LRBA: variants seen among roughly 807,000 people sequenced by gnomAD.
LRBA encodes LPS responsive beige-like anchor protein.
A neutral mutation model predicts 330.0 loss-of-function variants in LRBA; 176 were observed. That is an observed-to-expected ratio of 0.53 (90% CI 0.47 to 0.60). The LOEUF is 0.60. Ranked by LOEUF, LRBA falls within the 20% of genes least tolerant of loss-of-function variation. The probability of loss-of-function intolerance (pLI) is 0.00; values close to 1 mark genes in which losing one functional copy is unlikely to be tolerated. For synonymous variants in LRBA, 1,230 were observed against 1,193.0 expected, an observed-to-expected ratio of 1.03 and a Z score of -0.64; for missense variants, 3,259 against 3,444.8, an observed-to-expected ratio of 0.95 and a Z score of 1.35.
At chr4:150,311,631 TCTG>T (rs1391513676) in intron 51 of LRBA, among the ~76,000 whole-genome samples, 2 of 152,156 alleles carry the variant, frequency 1.3e-5, no homozygotes, top group Non-Finnish European at 2.9e-5. Flanking sequence ...CTGCAGAAAT[TCTG>T]CTAATGTCTG....
At chr4:150,480,218 G>A (rs957402121) in intron 42 of LRBA, among the ~76,000 whole-genome samples, 1 of 152,046 alleles carries the variant, frequency 6.6e-6, no homozygotes, top group Non-Finnish European at 1.5e-5. Flanking sequence ...GGAGAAAGAT[G>A]CATACACCTA....
Position 150,565,397 on chromosome 4 carries a change from G to T in LRBA, c.6330+22651C>A, listed in dbSNP as rs893431141. Among the ~76,000 whole-genome samples the T allele has an allele frequency of 2.0e-5, 3 of 151,920 alleles. No individual in the cohort carries two copies. The South Asian group carries it at 6.2e-4, about 32-fold the overall frequency. Reference sequence around the variant, plus strand: ...GAGGACAAATACCTAATGCATGTGGGGCTTAAAACCTAGGTGATGGGTTGA... The same window carrying T: ...GAGGACAAATACCTAATGCATGTGGTGCTTAAAACCTAGGTGATGGGTTGA... On this transcript the variant is annotated intron_variant, in intron 40 of 56. Coordinates refer to ENST00000651943, the MANE Select transcript of LRBA (RefSeq NM_001364905.1).
At chr4:150,849,189 GAA>G (rs1750280802) in intron 25 of LRBA, among the ~76,000 whole-genome samples, 191 bp from the exon 26 acceptor site, 1 of 152,106 alleles carries the variant, frequency 6.6e-6, no homozygotes. Flanking sequence ...CCATACAGGT[GAA>G]ACATCATGAA....
chr4:150,765,048 T>C (rs1402636340), intron 34 of LRBA, among the ~76,000 whole-genome samples: 3 of 151,116 alleles, frequency 2.0e-5, no homozygotes, highest in African/African-American at 4.9e-5. Context: ...AATGGATAAA[T>C]TGTGGTACAA....
At chr4:150,358,897 A>C (rs1410335709) in intron 47 of LRBA, among the ~76,000 whole-genome samples, 1 of 152,206 alleles carries the variant, frequency 6.6e-6, no homozygotes, top group Non-Finnish European at 1.5e-5. Flanking sequence ...TTATTGCCAG[A>C]TGTAGTTTAA....
intron 2 of LRBA, among the ~76,000 whole-genome samples, chr4:150,941,495 G>A (rs1175610436): frequency 6.6e-6 from 1 of 152,162 alleles, no homozygotes; most frequent in Non-Finnish European, 1.5e-5. Context: ...GCACCCAGCT[G>A]CCAAGCTATT....
In LRBA at chr4:150,852,365, TACTTTCAGTTCC is replaced by T; in HGVS notation, c.3333_3344del (p.Leu1113_Glu1116del). The T allele has an allele frequency of 6.2e-7, 1 of 1,613,820 alleles. No homozygotes were observed. Among genetic ancestry groups the T allele is most frequent in the Non-Finnish European group, 8.5e-7 (1 of 1,179,968 alleles). On this transcript the variant is annotated inframe_deletion, in exon 23 of 57. Transcript: ENST00000651943. ...TAGCTTCCTCAGTAGGACTGCCTTC[TACTTTCAGTTCC>T]ACATAATCATCATCTTCCTCTTCCT...
At chr4:150,999,347 TAG>T (rs1436422022) in intron 2 of LRBA, among the ~76,000 whole-genome samples, 6 of 152,018 alleles carry the variant, frequency 3.9e-5, no homozygotes, top group African/African-American at 1.4e-4. Context: ...CAGGAAAAAG[TAG>T]ATTCTTCCTC....
At chr4:150,713,400 T>C (rs1786427960) in intron 36 of LRBA, among the ~76,000 whole-genome samples, 1 of 152,188 alleles carries the variant, frequency 6.6e-6, no homozygotes, top group Non-Finnish European at 1.5e-5. Flanking sequence ...TTCTGTCCTA[T>C]GTTCAGGAGG....
intron 47 of LRBA, among the ~76,000 whole-genome samples, chr4:150,386,516 T>G (rs1743087137): frequency 6.7e-6 from 1 of 148,608 alleles, no homozygotes; most frequent in African/African-American, 2.5e-5. Context: ...GAGCACGTGC[T>G]ATTTGGTTTT....
intron 36 of LRBA, among the ~76,000 whole-genome samples, chr4:150,708,584 T>C (rs949767818): frequency 4.6e-5 from 7 of 151,854 alleles, no homozygotes; most frequent in African/African-American, 1.7e-4. Flanking sequence ...GTTTATACTG[T>C]TGCCAGATCC....
Position 150,583,221 on chromosome 4 carries a change from G to C in LRBA, c.6330+4827C>G. On this transcript the variant is annotated intron_variant, in intron 40 of 56. Transcript: ENST00000651943. The surrounding 1 kb of genome is among the most constrained non-coding windows in gnomAD (Gnocchi z 9.8). ...TGAGCGAGATCGATGCCCGCTACGA[G>C]GGGCTCGAGGTCATTTCGCCCACCG... is the stretch of plus-strand genomic sequence containing the variant. The C allele has an allele frequency of 6.2e-7, 1 of 1,614,228 alleles. No homozygotes were observed. The highest frequency in any genetic ancestry group is 8.5e-7 in the Non-Finnish European group (1 of 1,180,046).
chr4:150,349,714 C>T (rs1736883150), intron 48 of LRBA, among the ~76,000 whole-genome samples: 1 of 152,048 alleles, frequency 6.6e-6, no homozygotes, highest in Admixed American at 6.5e-5. Context: ...TCATGAGTAA[C>T]CCCCAAAGTT....
rs200148954 is a variant in LRBA at position 150,702,268 on chromosome 4, G to A, written c.5755-18551C>T. Among the ~76,000 whole-genome samples the A allele has an allele frequency of 4.6e-5, 7 of 152,178 alleles. No individual in the cohort carries two copies. The East Asian group carries it at 9.7e-4, about 21-fold the overall frequency. On this transcript the variant is annotated intron_variant, in intron 36 of 56. Transcript: ENST00000651943. ...TAAAAATGAGATAATGGACAAAGGT[G>A]GGAAAAAAGTTTGTCATTTAACTAA...
At chr4:150,851,013 C>A in intron 23 of LRBA, 111 bp from the exon 24 acceptor site, 1 of 696,296 alleles carries the variant, frequency 1.4e-6, no homozygotes, top group Non-Finnish European at 2.3e-6. Flanking sequence ...GTTTTTAAGA[C>A]ACTATAAGAA....
intron 44 of LRBA, among the ~76,000 whole-genome samples, chr4:150,463,959 T>C (rs1428552798): frequency 1.3e-5 from 2 of 150,314 alleles, no homozygotes; most frequent in Admixed American, 6.7e-5. Context: ...AAAAGGGTTA[T>C]GAGAACTTTT....
chr4:150,769,136 G>T lies in LRBA; in HGVS notation c.5581-7289C>A, dbSNP rs552420810. 4.6e-5 allele frequency among the ~76,000 whole-genome samples: 7 copies of T among 151,748 alleles called. No homozygotes were observed. In the East Asian group the frequency reaches 9.7e-4, roughly 21 times the overall value. ...TTATTATTATTTTTAGTAGAGATGG[G>T]TTTTCACCATGTTGGCTAGGCTGGT... On this transcript the variant is annotated intron_variant, in intron 34 of 56. Transcript: ENST00000651943.
chr4:150,289,159 G>T (rs546089835), intron 53 of LRBA, among the ~76,000 whole-genome samples: 1 of 152,118 alleles, frequency 6.6e-6, no homozygotes, highest in South Asian at 2.1e-4. Flanking sequence ...CCAGAAGGTG[G>T]GTTAAGATAT....
At chr4:150,939,065 A>G (rs1261216427) in intron 2 of LRBA, among the ~76,000 whole-genome samples, 1 of 152,188 alleles carries the variant, frequency 6.6e-6, no homozygotes, top group Non-Finnish European at 1.5e-5. Flanking sequence ...AAGTTGAGAA[A>G]CCACAGAACA....
Sources: allele counts gnomAD v4.1 joint callset (sites outside exome capture counted in the v4.1 genomes callset), GRCh38; gene constraint gnomAD v4.1.1; non-coding constraint Gnocchi (gnomAD v3.1); transcripts MANE v1.5; gene names NCBI Gene and HGNC (gene_info 2026-07-23, HGNC 2026-07-21).